Variants in MSH3 observed in about 807,000 individuals in gnomAD.
MSH3 encodes mutS homolog 3.
In MSH3, 106 loss-of-function variants were observed where a neutral mutation model predicts 123.3. That is an observed-to-expected ratio of 0.86 (90% CI 0.73 to 1.01). MSH3 has a LOEUF of 1.01. Among genes scored for constraint, MSH3 ranks in the 50% least tolerant of loss-of-function variants. The probability of loss-of-function intolerance (pLI) is 0.00; values close to 1 mark genes in which losing one functional copy is unlikely to be tolerated. For synonymous variants in MSH3, 515 were observed against 481.4 expected (o/e 1.07, Z -0.91); for missense variants, 1,459 against 1,347.6 (o/e 1.08, Z -1.29).
At chr5:80,792,948 C>A (rs1331611320) in intron 19 of MSH3, 104 bp downstream of exon 19, 1 of 759,580 alleles carries the variant, frequency 1.3e-6, no homozygotes, top group Non-Finnish European at 2.3e-6. Flanking sequence ...TCAACTTTGG[C>A]TTTAAATGGG....
intron 20 of MSH3, among the ~76,000 whole-genome samples, chr5:80,832,363 T>C (rs1383342559): frequency 1.1e-4 from 16 of 152,164 alleles, no homozygotes; most frequent in Admixed American, 1.0e-3. Context: ...GCTCACGCCA[T>C]AATCCCAGCA....
At chr5:80,855,034 A>T (rs1745892465) in intron 21 of MSH3, among the ~76,000 whole-genome samples, 1 of 152,024 alleles carries the variant, frequency 6.6e-6, no homozygotes, top group South Asian at 2.1e-4. Context: ...CAGTAACATC[A>T]TTCCTTCAAT....
chr5:80,660,610 C>T (rs534997746), intron 2 of MSH3, among the ~76,000 whole-genome samples: 8 of 152,290 alleles, frequency 5.3e-5, no homozygotes, highest in South Asian at 4.1e-4. Context: ...AAAAGAGTCA[C>T]TGTATTTCTT....
intron 19 of MSH3, among the ~76,000 whole-genome samples, chr5:80,808,868 T>TATATATCTATATATATATCTATATAG (rs1561485190): frequency 8.0e-6 from 1 of 125,450 alleles, no homozygotes; most frequent in South Asian, 2.6e-4. Flanking sequence ...CATATATATA[T>TATATATCTATATATATATCTATATAG]ATATATATAT....
At chr5:80,699,542 A>G (rs1750559519) in intron 8 of MSH3, among the ~76,000 whole-genome samples, 1 of 140,328 alleles carries the variant, frequency 7.1e-6, no homozygotes, top group African/African-American at 2.7e-5. Context: ...TGGGCAACAG[A>G]GTACAACACT....
chr5:80,872,319 T>A (rs911925237), intron 22 of MSH3, among the ~76,000 whole-genome samples: 2 of 150,620 alleles, frequency 1.3e-5, no homozygotes, highest in Non-Finnish European at 3.0e-5. Flanking sequence ...AAAAAAAAAT[T>A]AGCTAGGTGT....
chr5:80,684,566 A>G (rs1055230411), intron 8 of MSH3, among the ~76,000 whole-genome samples: 2 of 152,230 alleles, frequency 1.3e-5, no homozygotes, highest in South Asian at 2.1e-4. Flanking sequence ...CAGTTCTGAC[A>G]GTTTTTTGGT....
chr5:80,814,487 G>T (rs1193710008), intron 20 of MSH3, among the ~76,000 whole-genome samples: 1 of 28 alleles, frequency 0.036, no homozygotes, highest in Non-Finnish European at 0.062. Context: ...GGCCAGGCTA[G>T]TCTTGACTCC....
At chr5:80,828,643 G>A (rs975575444) in intron 20 of MSH3, among the ~76,000 whole-genome samples, 6 of 152,266 alleles carry the variant, frequency 3.9e-5, no homozygotes, top group African/African-American at 1.4e-4. Context: ...TGAAATGAAC[G>A]TGTTACCTAC....
intron 10 of MSH3, among the ~76,000 whole-genome samples, chr5:80,737,319 T>C (rs1743529777): frequency 6.6e-6 from 1 of 152,214 alleles, no homozygotes; most frequent in Admixed American, 6.5e-5. Context: ...TGTACCCTTG[T>C]TGCCTTTGTC....
At chr5:80,694,937 G>A (rs1350703716) in intron 8 of MSH3, among the ~76,000 whole-genome samples, 2 of 140,120 alleles carry the variant, frequency 1.4e-5, no homozygotes, top group East Asian at 2.1e-4. Context: ...GTTTAATTAT[G>A]TGTCATGGAA....
intron 20 of MSH3, among the ~76,000 whole-genome samples, chr5:80,815,197 A>G (rs1194127786): frequency 1.3e-5 from 2 of 152,196 alleles, no homozygotes; most frequent in East Asian, 3.9e-4. Flanking sequence ...ATGCCATGTC[A>G]CCAAATAGGT....
At chr5:80,674,016 T>C (rs903284425) in intron 6 of MSH3, among the ~76,000 whole-genome samples, 1 of 152,216 alleles carries the variant, frequency 6.6e-6, no homozygotes, top group Non-Finnish European at 1.5e-5. Context: ...AAGGACTGTT[T>C]TGTTCCATGA....
chr5:80,847,742 G>C (rs1400653030), intron 20 of MSH3, among the ~76,000 whole-genome samples: 1 of 152,086 alleles, frequency 6.6e-6, no homozygotes, highest in East Asian at 1.9e-4. Flanking sequence ...TCTTATTTCA[G>C]CGTAGGGGCA....
intron 8 of MSH3, among the ~76,000 whole-genome samples, chr5:80,722,577 G>C (rs1751103348): frequency 1.3e-5 from 2 of 152,148 alleles, no homozygotes; most frequent in African/African-American, 4.8e-5. Flanking sequence ...CTGATGCTGG[G>C]CCGGGCCCCA....
chr5:80,747,790 A>T (rs896981775), intron 12 of MSH3, among the ~76,000 whole-genome samples: 18 of 152,326 alleles, frequency 1.2e-4, no homozygotes, highest in Middle Eastern at 3.4e-3. Flanking sequence ...GTAGAGTAAC[A>T]TGCTGTCTGG....
At chr5:80,831,860 G>A (rs968129674) in intron 20 of MSH3, among the ~76,000 whole-genome samples, 7 of 152,128 alleles carry the variant, frequency 4.6e-5, no homozygotes, top group African/African-American at 7.2e-5. Context: ...TGTAATCCCA[G>A]CACTTTGGGA....
chr5:80,677,409 A>G (rs1047921943), intron 7 of MSH3, among the ~76,000 whole-genome samples: 4 of 152,182 alleles, frequency 2.6e-5, no homozygotes, highest in Admixed American at 6.5e-5. Context: ...ATTAAAGAAA[A>G]AGGGAATTTG....
chr5:80,820,625 A>C (rs879308094), intron 20 of MSH3, among the ~76,000 whole-genome samples: 2 of 152,236 alleles, frequency 1.3e-5, no homozygotes, highest in African/African-American at 4.8e-5. Context: ...AATTTCTGGA[A>C]TCTGAAGGAA....
Sources: gnomAD v4.1 joint callset for allele counts (sites outside exome capture counted in the v4.1 genomes callset) on GRCh38, gnomAD v4.1.1 for gene constraint, MANE v1.5 for transcripts, NCBI Gene and HGNC (gene_info 2026-07-23, HGNC 2026-07-21) for gene names.